The following DNAH6 variants were observed in gnomAD, a reference collection of about 807,000 sequenced individuals.
DNAH6 encodes the protein axonemal beta dynein heavy chain 6.
A neutral mutation model predicts 491.4 loss-of-function variants in DNAH6; 340 were observed. That is an observed-to-expected ratio of 0.69 (90% confidence interval 0.63 to 0.76). The LOEUF is 0.76. Among genes scored for constraint, DNAH6 ranks in the 30% least tolerant of loss-of-function variants. DNAH6 has a pLI of 0.00. For synonymous variants in DNAH6, 1,603 were observed against 1,686.1 expected, an observed-to-expected ratio of 0.95 and a Z score of 1.21; for missense variants, 4,443 against 4,972.2, an observed-to-expected ratio of 0.89 and a Z score of 3.20.
chr2:84,584,295 T>C (rs1683324481), intron 15 of DNAH6, 45 bp downstream of exon 15: 2 of 1,573,392 alleles, frequency 1.3e-6, no homozygotes, highest in African/African-American at 2.7e-5. Context: ...TGCAAAGTTT[T>C]ACTATTACAT....
At chr2:84,611,925 TAAAA>T in intron 22 of DNAH6, 71 bp downstream of exon 22, 1 of 1,346,676 alleles carries the variant, frequency 7.4e-7, no homozygotes, top group Non-Finnish European at 1.0e-6. Flanking sequence ...AGTCCCAGAC[TAAAA>T]TGTTTCTCTG....
intron 72 of DNAH6, 54 bp downstream of exon 72, chr2:84,808,596 T>C (rs1160970814): frequency 6.6e-7 from 1 of 1,525,098 alleles, no homozygotes; most frequent in Non-Finnish European, 8.9e-7. Flanking sequence ...TTGTAGAGAG[T>C]TGTATAATAT....
intron 29 of DNAH6, among the ~76,000 whole-genome samples, chr2:84,631,037 T>G (rs919010257): frequency 1.3e-5 from 2 of 152,172 alleles, no homozygotes; most frequent in Non-Finnish European, 2.9e-5. Flanking sequence ...GTCAATTAAT[T>G]GCTACACAAT....
the DNAH6 span, among the ~76,000 whole-genome samples, chr2:84,495,267 A>G: frequency 3.9e-5 from 6 of 152,188 alleles, no homozygotes; most frequent in African/African-American, 1.2e-4. Flanking sequence ...GGTTCACTCG[A>G]TTCTCCTGCC....
intron 42 of DNAH6, among the ~76,000 whole-genome samples, chr2:84,683,019 TG>T (rs1234323049): frequency 4.6e-5 from 7 of 152,208 alleles, no homozygotes; most frequent in African/African-American, 1.7e-4. Context: ...AAATCGGGCC[TG>T]CCCAGGGACC....
chr2:84,565,150 T>A (rs1429658057), intron 11 of DNAH6, among the ~76,000 whole-genome samples: 2 of 152,152 alleles, frequency 1.3e-5, no homozygotes, highest in African/African-American at 4.8e-5. Context: ...CCTGAAGTTT[T>A]CTTTTTTCAT....
At chr2:84,694,130 C>T (rs756006789) in intron 45 of DNAH6, 119 bp from the exon 46 acceptor site, 5 of 804,660 alleles carry the variant, frequency 6.2e-6, no homozygotes, top group Non-Finnish European at 1.0e-5. Flanking sequence ...TCTTCCCTTG[C>T]AGCATCCTGC....
intron 4 of DNAH6, among the ~76,000 whole-genome samples, chr2:84,533,211 A>G (rs889380016): frequency 2.0e-5 from 3 of 152,136 alleles, no homozygotes; most frequent in African/African-American, 4.8e-5. Context: ...TTGACTTAGC[A>G]TTGACAGAGA....
Position 84,624,492 on chromosome 2 carries a change from CA to C in DNAH6, c.4226del (p.Gln1409ArgfsTer10). The C allele has an allele frequency of 1.3e-6, 2 of 1,551,832 alleles. No homozygotes were observed. Among genetic ancestry groups the C allele is most frequent in the Non-Finnish European group, 1.7e-6 (2 of 1,146,958 alleles). On this transcript the variant is annotated frameshift_variant, in exon 28 of 77. Transcript: ENST00000389394. LOFTEE classifies it high-confidence loss of function. The stretch of plus-strand genomic sequence containing the variant: ...GGAGACAGTTGAATCTTTTGACTGG[CA>C]GAGACAACTGCGCTATTACTGGGAT... The part of the protein sequence containing the change: ...KVETVESFDW[Q>X]RQLRYYWDID...
At chr2:84,620,556 G>A (rs1470737355) in intron 24 of DNAH6, among the ~76,000 whole-genome samples, 3 of 152,126 alleles carry the variant, frequency 2.0e-5, no homozygotes, top group African/African-American at 7.2e-5. Flanking sequence ...CATGGGAGAC[G>A]TTTCACACAC....
At chr2:84,598,452 A>G (rs1684894201) in intron 18 of DNAH6, among the ~76,000 whole-genome samples, 1 of 152,208 alleles carries the variant, frequency 6.6e-6, no homozygotes, top group South Asian at 2.1e-4. Context: ...TAAAGCTGCT[A>G]TAAACTTTCA....
rs1312234563 is a variant in DNAH6, at chr2:84,547,596, A to C, written c.1170A>C (p.Ala390=). The C allele has an allele frequency of 1.3e-6, 2 of 1,551,798 alleles. No individual in the cohort carries two copies. The highest frequency in any genetic ancestry group is 1.4e-5 in the African/African-American group (1 of 73,010). Residue 390 remains alanine (A), a synonymous_variant, in exon 7 of 77, where the codon GCA becomes GCC. Coordinates refer to ENST00000389394, the MANE Select transcript of DNAH6 (RefSeq NM_001370.2). ...CAGGATTTGTTCCTGATGACTGTGC[A>C]TTTGGACCTTTTGAGGGTATGAAGG... ...RAAGFVPDDC[A]FGPFEDYHKV... is the part of the protein sequence containing the mutation.
chr2:84,741,662 G>A (rs1672537287), intron 62 of DNAH6, among the ~76,000 whole-genome samples: 1 of 152,184 alleles, frequency 6.6e-6, no homozygotes, highest in Non-Finnish European at 1.5e-5. Flanking sequence ...GGGGGTGCAT[G>A]AGTGTGCCCG....
intron 38 of DNAH6, among the ~76,000 whole-genome samples, chr2:84,670,040 T>C (rs1480568839): frequency 1.3e-5 from 2 of 152,212 alleles, no homozygotes; most frequent in Non-Finnish European, 2.9e-5. Flanking sequence ...TAAAAGAAAT[T>C]TGGATCTTTC....
At position 84,762,775 on chromosome 2, in the gene DNAH6, C is replaced by A; in HGVS notation, c.10533C>A (p.Asp3511Glu). ...TTCAGGTGGTTTTTGCTCTTACAGA[C>A]TTTGTGATAGAAAATCTTGGAAAAC... Reference protein sequence around the residue: ...KEEKVVFALTDFVIENLGKQF... With the variant: ...KEEKVVFALTEFVIENLGKQF... The change falls in exon 64 of 77, where the codon GAC becomes GAA. Residue 3511 changes from aspartate (D) to glutamate (E), a missense_variant. Physicochemically the swap from Asp to Glu is conservative, Grantham distance 45. Transcript: ENST00000389394. 6.5e-7 allele frequency: 1 copy of A among 1,550,278 alleles called. No individual in the cohort carries two copies. The highest frequency in any genetic ancestry group is 8.7e-7 in the Non-Finnish European group (1 of 1,146,318).
intron 29 of DNAH6, among the ~76,000 whole-genome samples, chr2:84,633,178 T>G (rs1193261579): frequency 6.6e-6 from 1 of 152,186 alleles, no homozygotes; most frequent in African/African-American, 2.4e-5. Flanking sequence ...TACATTTCAG[T>G]GGGTTTCACT....
At chr2:84,463,422 T>G in the DNAH6 span, among the ~76,000 whole-genome samples, 3 of 152,190 alleles carry the variant, frequency 2.0e-5, no homozygotes, top group South Asian at 6.2e-4. Context: ...TTTATTACCG[T>G]GGATGAAAAT....
At chr2:84,756,343 T>C (rs11894377) in intron 63 of DNAH6, among the ~76,000 whole-genome samples, 3,230 of 152,338 alleles carry the variant, frequency 0.021, 115 homozygotes, top group African/African-American at 0.073. Flanking sequence ...TATGCAATAA[T>C]TATTACCAAT....
intron 11 of DNAH6, among the ~76,000 whole-genome samples, 194 bp from the exon 12 acceptor site, chr2:84,573,273 A>G (rs973659689): frequency 6.6e-6 from 1 of 152,220 alleles, no homozygotes; most frequent in African/African-American, 2.4e-5. Flanking sequence ...TTATTTCATA[A>G]CAATTTCTTC....
Sources: gnomAD v4.1 joint callset for allele counts (sites outside exome capture counted in the v4.1 genomes callset) on GRCh38, gnomAD v4.1.1 for gene constraint, MANE v1.5 for transcripts, NCBI Gene and HGNC (gene_info 2026-07-23, HGNC 2026-07-21) for gene names.